The following ATXN2 variants were observed in gnomAD, a reference collection of about 807,000 sequenced individuals.
ATXN2 encodes ataxin-2.
ATXN2 carries 37 observed loss-of-function variants against 138.6 expected under a neutral mutation model. That is an observed-to-expected ratio of 0.27 (90% CI 0.21 to 0.35). ATXN2 has a LOEUF of 0.35. Among genes scored for constraint, ATXN2 ranks in the 10% least tolerant of loss-of-function variants. ATXN2 has a pLI of 1.00. For synonymous variants in ATXN2, 549 were observed against 543.7 expected, an observed-to-expected ratio of 1.01 and a Z score of -0.13; for missense variants, 1,216 against 1,480.3, an observed-to-expected ratio of 0.82 and a Z score of 2.93.
chr12:111,550,545 A>G (rs1882066139), intron 5 of ATXN2, among the ~76,000 whole-genome samples: 1 of 152,150 alleles, frequency 6.6e-6, no homozygotes, highest in Non-Finnish European at 1.5e-5. Context: ...TCAATTTTTG[A>G]ATTTATAACA....
chr12:111,517,625 A>G (rs1879928446), intron 9 of ATXN2, among the ~76,000 whole-genome samples: 1 of 152,188 alleles, frequency 6.6e-6, no homozygotes, highest in African/African-American at 2.4e-5. Context: ...TTAGAGGTAG[A>G]GTAAAAAATG....
chr12:111,458,813 G>A (rs1875332544), intron 21 of ATXN2, among the ~76,000 whole-genome samples: 1 of 152,222 alleles, frequency 6.6e-6, no homozygotes, highest in Non-Finnish European at 1.5e-5. Flanking sequence ...AGCATAGACG[G>A]CTCTGGGTAT....
chr12:111,477,336 A>G (rs1035210071), intron 18 of ATXN2, among the ~76,000 whole-genome samples: 2 of 152,012 alleles, frequency 1.3e-5, no homozygotes, highest in African/African-American at 2.4e-5. Context: ...CTGGGTAACA[A>G]GATCGAGACT....
intron 13 of ATXN2, 103 bp from the exon 14 acceptor site, chr12:111,509,722 G>T: frequency 1.1e-6 from 1 of 930,254 alleles, no homozygotes; most frequent in Non-Finnish European, 1.6e-6. Context: ...TATAAGATCA[G>T]AAAATAATTT....
At position 111,488,619 on chromosome 12, in the gene ATXN2, C is replaced by T. The variant is rs763050707; in HGVS notation, c.2097G>A (p.Pro699=). The stretch of plus-strand genomic sequence containing the variant: ...TTGAAGGGGAAATGCTGGGGCTATT[C>T]GGCTTGCTGCTGCCACTGGTACAGT... The part of the protein sequence containing the change: ...SSNCTSGSSK[P]NSPSISPSIL... The change falls in exon 15 of 25, where the codon CCG becomes CCA. Residue 699 remains proline (P), a synonymous_variant. Transcript: ENST00000673436. 21 of 1,613,990 alleles carry T rather than the reference C, an allele frequency of 1.3e-5. No homozygotes were observed. The highest frequency in any genetic ancestry group is 1.6e-4 in the Middle Eastern group (1 of 6,084).
chr12:111,482,768 A>C (rs1055056779), intron 18 of ATXN2: 10 of 152,054 alleles, frequency 6.6e-5, no homozygotes, highest in African/African-American at 2.2e-4. Flanking sequence ...AATAAGATTA[A>C]ACTCTATAAT....
At chr12:111,492,055 G>T (rs925615209) in intron 14 of ATXN2, among the ~76,000 whole-genome samples, 3 of 152,156 alleles carry the variant, frequency 2.0e-5, no homozygotes. Flanking sequence ...ATTAACATCA[G>T]TGGTGGCCAG....
rs987006604 is a variant in ATXN2, at chr12:111,468,827, A to T, written c.2842+1281T>A. On this transcript the variant is annotated intron_variant, in intron 20 of 24. Transcript: ENST00000673436. ...GCAATTCTGTTGCCTCAGCCTCCGA[A>T]GTAGCCGGGACTACAGGCACATGCC... 4.0e-5 allele frequency: 6 copies of T among 150,728 alleles called. No homozygotes were observed. The Admixed American group carries it at 4.0e-4, about 10-fold the overall frequency. The allele number at this position is 150,728 out of a possible 1,614,324, so 9.3% of individuals were successfully genotyped here.
chr12:111,500,378 C>A (rs1878685919), intron 14 of ATXN2, among the ~76,000 whole-genome samples: 1 of 152,100 alleles, frequency 6.6e-6, no homozygotes, highest in Non-Finnish European at 1.5e-5. Context: ...ATAAACTTTG[C>A]ATATTCTTAC....
At chr12:111,478,995 T>C in intron 18 of ATXN2, 2 of 261,970 alleles carry the variant, frequency 7.6e-6, no homozygotes, top group Non-Finnish European at 1.4e-5. Context: ...GGCAACAGAG[T>C]GAGACTTCAT....
chr12:111,593,118 T>C (rs1344805002), intron 1 of ATXN2, among the ~76,000 whole-genome samples: 1 of 152,056 alleles, frequency 6.6e-6, no homozygotes, highest in African/African-American at 2.4e-5. Context: ...AGTCTCGCTC[T>C]GTTGCCCAGG....
At chr12:111,505,267 A>G (rs1245734775) in intron 14 of ATXN2, among the ~76,000 whole-genome samples, 2 of 152,190 alleles carry the variant, frequency 1.3e-5, no homozygotes, top group East Asian at 3.8e-4. Flanking sequence ...TCTTAAAAAA[A>G]CCCAGAAGAG....
chr12:111,493,597 T>TA (rs1878195073), intron 14 of ATXN2, among the ~76,000 whole-genome samples: 1 of 151,442 alleles, frequency 6.6e-6, no homozygotes, highest in African/African-American at 2.4e-5. Flanking sequence ...GCAGGAAGAA[T>TA]AAAAAATGAA....
intron 1 of ATXN2, among the ~76,000 whole-genome samples, chr12:111,569,239 A>C (rs1431244856): frequency 6.6e-6 from 1 of 152,176 alleles, no homozygotes; most frequent in African/African-American, 2.4e-5. Context: ...CAATTTCAAC[A>C]TCTATGAAAT....
Position 111,598,521 on chromosome 12 carries a change from G to GC in ATXN2, c.251+262dup. The GC allele has an allele frequency of 1.0e-6, 1 of 984,454 alleles. No individual in the cohort carries two copies. The highest frequency in any genetic ancestry group is 1.2e-6 in the Non-Finnish European group (1 of 829,704). The allele number at this position is 984,454 out of a possible 1,614,324, so 61.0% of individuals were successfully genotyped here. A position where few individuals can be genotyped will look rare whatever the true frequency, so the allele number is the denominator to read the frequency against. ...CTCCCAACACGCGTGGGGAGGGGAG[G>GC]CCGCCCGCTCCCTCCATCTTGACCG... On this transcript the variant is annotated intron_variant, in intron 1 of 24. Transcript: ENST00000673436. This position sits in a 1 kb window ranked among gnomAD's most constrained non-coding sequence, Gnocchi z 4.5.
intron 11 of ATXN2, chr12:111,510,787 C>A: frequency 2.4e-6 from 1 of 409,820 alleles, no homozygotes; most frequent in Non-Finnish European, 4.3e-6. Flanking sequence ...GCAGCAATTA[C>A]TAACATAAGT....
Position 111,598,425 on chromosome 12 carries a change from C to T in ATXN2, c.251+359G>A. On this transcript the variant is annotated intron_variant, in intron 1 of 24. Transcript: ENST00000673436. This position sits in a 1 kb window ranked among gnomAD's most constrained non-coding sequence, Gnocchi z 4.5. ...GGGAGTGGAGGAGCTGCCCGAGCAT[C>T]CCCACGCTGCGGGCGGAGGATCGTG... 1.0e-6 allele frequency: 1 copy of T among 985,678 alleles called. No individual in the cohort carries two copies. The highest frequency in any genetic ancestry group is 1.2e-6 in the Non-Finnish European group (1 of 830,158). The allele number at this position is 985,678 out of a possible 1,614,324, so 61.1% of individuals were successfully genotyped here. A position where few individuals can be genotyped will look rare whatever the true frequency, so the allele number is the denominator to read the frequency against.
rs1593092206 is a variant in ATXN2 at position 111,457,207 on chromosome 12, C to T, written c.3042+7G>A. The T allele has an allele frequency of 6.2e-7, 1 of 1,610,600 alleles. No homozygotes were observed. The highest frequency in any genetic ancestry group is 8.5e-7 in the Non-Finnish European group (1 of 1,178,550). On this transcript the variant is annotated splice_region_variant and intron_variant, in intron 22 of 24. Coordinates refer to ENST00000673436, the MANE Select transcript of ATXN2 (RefSeq NM_001372574.1). ...CCACTCCATGCAGACCTCTGAGTTG[C>T]CCTTACCTGAACAGGACTGGGTGCA...
chr12:111,489,282 A>G (rs1416358397), intron 14 of ATXN2, among the ~76,000 whole-genome samples: 1 of 152,222 alleles, frequency 6.6e-6, no homozygotes, highest in East Asian at 1.9e-4. Flanking sequence ...TTAAAAATCC[A>G]AAGAAAAGGG....
Sources: allele counts gnomAD v4.1 joint callset (sites outside exome capture counted in the v4.1 genomes callset), GRCh38; gene constraint gnomAD v4.1.1; non-coding constraint Gnocchi (gnomAD v3.1); transcripts MANE v1.5; gene names NCBI Gene and HGNC (gene_info 2026-07-23, HGNC 2026-07-21).